GALNTL6: variants seen among roughly 807,000 people sequenced by gnomAD.
The protein encoded by GALNTL6 is polypeptide N-acetylgalactosaminyltransferase-like 6.
GALNTL6 carries 46 observed loss-of-function variants against 73.7 expected under a neutral mutation model. The ratio of observed to expected loss-of-function variants is 0.62; its 90% CI spans 0.49 to 0.80. The LOEUF (loss-of-function observed/expected upper bound fraction) is 0.80, where lower values mean the gene tolerates loss of function less well. Among genes scored for constraint, GALNTL6 ranks in the 30% least tolerant of loss-of-function variants. GALNTL6 has a pLI of 0.00. For missense variants in GALNTL6, 604 were observed against 755.0 expected, an observed-to-expected ratio of 0.80 and a Z score of 2.34; for synonymous variants, 259 against 263.7, an observed-to-expected ratio of 0.98 and a Z score of 0.17.
chr4:172,781,317 A>G (rs1041778206), intron 5 of GALNTL6, among the ~76,000 whole-genome samples: 3 of 152,204 alleles, frequency 2.0e-5, no homozygotes, highest in African/African-American at 7.2e-5. Flanking sequence ...CGAAGGAGTA[A>G]ATATGAATTT....
chr4:172,551,851 A>G (rs1735966049), intron 5 of GALNTL6, among the ~76,000 whole-genome samples: 1 of 152,160 alleles, frequency 6.6e-6, no homozygotes, highest in Non-Finnish European at 1.5e-5. Context: ...AAGGTAAACA[A>G]TGGGGGTGTT....
At chr4:171,881,975 T>C (rs1736464012) in intron 2 of GALNTL6, among the ~76,000 whole-genome samples, 1 of 152,230 alleles carries the variant, frequency 6.6e-6, no homozygotes. Context: ...GGTTAACACA[T>C]CCCTAACAAT....
chr4:172,794,895 G>C (rs951199177), intron 5 of GALNTL6, among the ~76,000 whole-genome samples: 2 of 152,126 alleles, frequency 1.3e-5, no homozygotes, highest in African/African-American at 2.4e-5. Context: ...GCTGTTTCTT[G>C]GAAGAATAAT....
chr4:172,201,363 C>T (rs1458362591), intron 2 of GALNTL6, among the ~76,000 whole-genome samples: 2 of 151,228 alleles, frequency 1.3e-5, no homozygotes, highest in African/African-American at 2.5e-5. Flanking sequence ...CACGCCACCA[C>T]GCCTGGCTAA....
At chr4:172,106,322 G>C (rs1196792634) in intron 2 of GALNTL6, among the ~76,000 whole-genome samples, 1 of 152,024 alleles carries the variant, frequency 6.6e-6, no homozygotes, top group African/African-American at 2.4e-5. Context: ...TAGAATAGAG[G>C]GTTTAGTGAT....
intron 2 of GALNTL6, among the ~76,000 whole-genome samples, chr4:172,080,597 T>C (rs1731850094): frequency 6.6e-6 from 1 of 152,094 alleles, no homozygotes; most frequent in Admixed American, 6.6e-5. Flanking sequence ...AATAGACCTA[T>C]ATATGTGTGT....
intron 5 of GALNTL6, among the ~76,000 whole-genome samples, chr4:172,712,783 C>T (rs534347169): frequency 6.6e-6 from 1 of 152,238 alleles, no homozygotes; most frequent in East Asian, 1.9e-4. Context: ...TAACTATCAC[C>T]TGTCATAATT....
chr4:172,901,390 C>T (rs1161583944), intron 8 of GALNTL6, among the ~76,000 whole-genome samples: 1 of 152,084 alleles, frequency 6.6e-6, no homozygotes, highest in African/African-American at 2.4e-5. Context: ...AAAAATCAAA[C>T]ATCTGCATTT....
chr4:172,801,854 C>T (rs1228012088), intron 5 of GALNTL6, among the ~76,000 whole-genome samples: 2 of 152,154 alleles, frequency 1.3e-5, no homozygotes, highest in Non-Finnish European at 2.9e-5. Flanking sequence ...CCTGAGACAG[C>T]AAGACCAACT....
chr4:172,956,679 C>G (rs1466403602), intron 10 of GALNTL6, among the ~76,000 whole-genome samples: 1 of 152,108 alleles, frequency 6.6e-6, no homozygotes, highest in Non-Finnish European at 1.5e-5. Flanking sequence ...TAAAAAGAAG[C>G]GTCTATACAG....
At chr4:171,887,883 T>G (rs996741560) in intron 2 of GALNTL6, among the ~76,000 whole-genome samples, 2 of 152,174 alleles carry the variant, frequency 1.3e-5, no homozygotes, top group Non-Finnish European at 2.9e-5. Context: ...TAAACGTAAT[T>G]TACTTATGAC....
At chr4:172,864,273 C>A (rs534355831) in intron 7 of GALNTL6, among the ~76,000 whole-genome samples, 2 of 152,332 alleles carry the variant, frequency 1.3e-5, no homozygotes, top group South Asian at 4.1e-4. Flanking sequence ...CTTTCCCATT[C>A]ATCTGCTCCT....
chr4:172,126,399 A>G (rs1579163144), intron 2 of GALNTL6, among the ~76,000 whole-genome samples: 1 of 152,208 alleles, frequency 6.6e-6, no homozygotes, highest in East Asian at 1.9e-4. Flanking sequence ...TCCACAAAGT[A>G]GAACCAAAAT....
intron 5 of GALNTL6, among the ~76,000 whole-genome samples, chr4:172,382,936 C>G (rs1041820049): frequency 6.6e-6 from 1 of 152,018 alleles, no homozygotes; most frequent in South Asian, 2.1e-4. Flanking sequence ...GAATTCAAAT[C>G]TAAAATCAAA....
chr4:172,488,353 C>T (rs1733770911), intron 5 of GALNTL6, among the ~76,000 whole-genome samples: 1 of 152,182 alleles, frequency 6.6e-6, no homozygotes, highest in Admixed American at 6.5e-5. Flanking sequence ...TCCCCTGCTA[C>T]GTGATGGCCA....
intron 3 of GALNTL6, among the ~76,000 whole-genome samples, chr4:172,246,187 G>A (rs532849002): frequency 6.2e-4 from 95 of 152,226 alleles, no homozygotes; most frequent in Non-Finnish European, 1.0e-3. Context: ...TAGAATTAGC[G>A]TTACTAGGCG....
chr4:172,361,796 G>A (rs1742381364), intron 5 of GALNTL6, among the ~76,000 whole-genome samples: 1 of 152,114 alleles, frequency 6.6e-6, no homozygotes, highest in Non-Finnish European at 1.5e-5. Flanking sequence ...TCAGTGAGTG[G>A]TGGTGGTTAA....
At chr4:172,557,478 T>C (rs1417157655) in intron 5 of GALNTL6, among the ~76,000 whole-genome samples, 1 of 152,074 alleles carries the variant, frequency 6.6e-6, no homozygotes, top group Non-Finnish European at 1.5e-5. Context: ...TGGGAGAAAA[T>C]ATTTGCAATA....
intron 1 of GALNTL6, 105 bp from the exon 2 acceptor site, chr4:171,814,307 A>G (rs1734461849): frequency 2.0e-6 from 1 of 510,320 alleles, no homozygotes; most frequent in South Asian, 2.5e-5. Context: ...ATGGAGGTCA[A>G]TGGGCTTAAT....
Sources: gnomAD v4.1 joint callset for allele counts (sites outside exome capture counted in the v4.1 genomes callset) on GRCh38, gnomAD v4.1.1 for gene constraint, MANE v1.5 for transcripts, NCBI Gene and HGNC (gene_info 2026-07-23, HGNC 2026-07-21) for gene names.